The following RHBDL2 variants were observed in gnomAD, a reference collection of about 807,000 sequenced individuals.
RHBDL2 encodes rhomboid-related protein 2.
In RHBDL2, 26 loss-of-function variants were observed where a neutral mutation model predicts 31.7. The ratio of observed to expected loss-of-function variants is 0.82; its 90% confidence interval spans 0.60 to 1.14. The LOEUF (loss-of-function observed/expected upper bound fraction) is 1.14, where lower values mean the gene tolerates loss of function less well. Among genes scored for constraint, RHBDL2 ranks in the 50% most tolerant of loss-of-function variants. RHBDL2 has a pLI of 0.00. For synonymous variants in RHBDL2, 123 were observed against 127.2 expected, an observed-to-expected ratio of 0.97 and a Z score of 0.22; for missense variants, 336 against 364.4, an observed-to-expected ratio of 0.92 and a Z score of 0.63.
intron 1 of RHBDL2, among the ~76,000 whole-genome samples, chr1:38,936,414 T>C (rs1172326137): frequency 2.6e-5 from 4 of 151,998 alleles, no homozygotes; most frequent in African/African-American, 9.7e-5. Flanking sequence ...GTTCAAGCAA[T>C]TCTCCTGCCT....
chr1:38,901,935 T>C (rs1183730663), intron 4 of RHBDL2, among the ~76,000 whole-genome samples: 2 of 151,620 alleles, frequency 1.3e-5, no homozygotes, highest in Non-Finnish European at 2.9e-5. Context: ...GAGATTTCAA[T>C]AATCCTTTCT....
At chr1:38,936,889 C>T (rs570334839) in intron 1 of RHBDL2, among the ~76,000 whole-genome samples, 1 of 152,164 alleles carries the variant, frequency 6.6e-6, no homozygotes, top group East Asian at 1.9e-4. Context: ...CCAACTCGGC[C>T]TCCCAAAGTG....
intron 1 of RHBDL2, among the ~76,000 whole-genome samples, chr1:38,920,136 C>T (rs539544958): frequency 2.1e-4 from 30 of 144,812 alleles, no homozygotes; most frequent in Non-Finnish European, 4.1e-4. Flanking sequence ...AGTATGTGGC[C>T]TTTTGTGGTT....
intron 2 of RHBDL2, among the ~76,000 whole-genome samples, chr1:38,916,679 C>A (rs147448325): frequency 0.012 from 1,756 of 150,326 alleles, 26 homozygotes; most frequent in African/African-American, 0.041. Context: ...GAAACCACAT[C>A]TCTACTAAAA....
At chr1:38,902,201 CTTT>C (rs770169792) in intron 4 of RHBDL2, among the ~76,000 whole-genome samples, 3 of 92,806 alleles carry the variant, frequency 3.2e-5, no homozygotes, top group Non-Finnish European at 4.1e-5. Context: ...TTTTCTTTTT[CTTT>C]TTTTTTTTTT....
chr1:38,920,636 TCG>T (rs1643300687), intron 1 of RHBDL2, among the ~76,000 whole-genome samples: 1 of 147,608 alleles, frequency 6.8e-6, no homozygotes, highest in Non-Finnish European at 1.5e-5. Flanking sequence ...AGACAGAGTC[TCG>T]CTCTGTCGCC....
intron 6 of RHBDL2, among the ~76,000 whole-genome samples, 175 bp from the exon 7 acceptor site, chr1:38,888,199 A>G (rs1234395757): frequency 6.6e-6 from 1 of 152,238 alleles, no homozygotes; most frequent in African/African-American, 2.4e-5. Context: ...AACCCTGTGA[A>G]GTAGGAACTA....
Position 38,919,206 on chromosome 1 carries a change from C to G in RHBDL2, c.7G>C (p.Ala3Pro), listed in dbSNP as rs764868553. The G allele has an allele frequency of 1.9e-6, 3 of 1,614,020 alleles. No individual in the cohort carries two copies. In the African/African-American group the frequency reaches 4.0e-5, roughly 22 times the overall value. ...CTCTCCATCTCCAGATCATGAACAGCAGCCATTGTCCTGGGTCCTCCCTCC... is the reference window on the plus strand; with the variant it reads ...CTCTCCATCTCCAGATCATGAACAGGAGCCATTGTCCTGGGTCCTCCCTCC... MA[A>P]VHDLEMESMN... Residue 3 changes from alanine (A) to proline (P), a missense_variant, in exon 2 of 8, where the codon GCT (alanine) becomes CCT (proline). Ala to Pro is a conservative substitution (Grantham distance 27, BLOSUM62 -1). Transcript: ENST00000372990.
intron 4 of RHBDL2, among the ~76,000 whole-genome samples, chr1:38,910,766 T>G (rs544341406): frequency 2.5e-4 from 37 of 146,612 alleles, no homozygotes; most frequent in Admixed American, 3.4e-4. Context: ...TTTTTTTTTT[T>G]TTTTTTTGTT....
intron 6 of RHBDL2, among the ~76,000 whole-genome samples, chr1:38,892,426 G>A (rs920710559): frequency 2.0e-5 from 3 of 152,024 alleles, no homozygotes; most frequent in Admixed American, 6.6e-5. Flanking sequence ...GGTGCCTAGG[G>A]CTCTATTCTC....
chr1:38,895,977 C>T lies in RHBDL2; in HGVS notation c.601G>A (p.Val201Ile), dbSNP rs964336206. ...YALMGGYFMN[V>I]LVNFQEMIPA... Reference sequence around the variant, plus strand: ...ATCCCCATGGTTCTTACCACCAGAACATTCATAAAATAGCCTCCCATCAGA... The same window carrying T: ...ATCCCCATGGTTCTTACCACCAGAATATTCATAAAATAGCCTCCCATCAGA... The change falls in exon 5 of 8, where the codon GTT (valine) becomes ATT (isoleucine). Residue 201 changes from valine (V) to isoleucine (I), a missense_variant. Transcript: ENST00000372990. 1.4e-5 allele frequency: 22 copies of T among 1,609,060 alleles called. No individual in the cohort carries two copies. The highest frequency in any genetic ancestry group is 1.7e-5 in the Non-Finnish European group (20 of 1,175,728).
intron 2 of RHBDL2, among the ~76,000 whole-genome samples, chr1:38,916,377 A>T (rs1376722190): frequency 1.3e-5 from 2 of 152,248 alleles, no homozygotes; most frequent in Non-Finnish European, 2.9e-5. Flanking sequence ...AGAGTCATGA[A>T]AAACAAAGAC....
Position 38,919,482 on chromosome 1 carries a change from G to A in RHBDL2, c.-125-145C>T. Reference sequence around the variant, plus strand: ...CAGCTCTACCATGTATCAGCTGTAAGTTAACATCAGATAAATCACTTAATT... The same window carrying A: ...CAGCTCTACCATGTATCAGCTGTAAATTAACATCAGATAAATCACTTAATT... On this transcript the variant is annotated intron_variant, in intron 1 of 7. Transcript: ENST00000372990. 11 of 567,280 alleles carry A rather than the reference G, an allele frequency of 1.9e-5. No homozygotes were observed. In the South Asian group the frequency reaches 3.9e-4, roughly 20 times the overall value. 35.1% of individuals were successfully genotyped at this position (567,280 alleles called of 1,614,324 possible).
intron 3 of RHBDL2, among the ~76,000 whole-genome samples, 168 bp from the exon 4 acceptor site, chr1:38,911,602 CTGTGTGTGTGTGTG>C (rs56978792): frequency 0.047 from 6,646 of 142,222 alleles, 205 homozygotes; most frequent in Non-Finnish European, 0.067. Flanking sequence ...TTTCTTTTTT[CTGTGTGTGTGTGTG>C]TGTGTGTGTG....
intron 4 of RHBDL2, among the ~76,000 whole-genome samples, chr1:38,900,148 A>G (rs12089741): frequency 0.02 from 3,092 of 152,320 alleles, 102 homozygotes; most frequent in African/African-American, 0.071. Context: ...GGCCTGGAGC[A>G]GTGGTTCAGG....
At chr1:38,919,610 C>CTT (rs1372817134) in intron 1 of RHBDL2, among the ~76,000 whole-genome samples, 2 of 145,684 alleles carry the variant, frequency 1.4e-5, no homozygotes, top group African/African-American at 5.0e-5. Flanking sequence ...TATATTTTTT[C>CTT]TTTTTTTTTT....
intron 1 of RHBDL2, among the ~76,000 whole-genome samples, chr1:38,919,592 A>G (rs1330523840): frequency 1.3e-5 from 2 of 151,422 alleles, no homozygotes; most frequent in East Asian, 1.9e-4. Context: ...GCCATTTAAT[A>G]TATAATATAT....
At chr1:38,929,667 A>G (rs1261895606) in intron 1 of RHBDL2, 4 of 816,076 alleles carry the variant, frequency 4.9e-6, no homozygotes, top group Non-Finnish European at 5.9e-6. Context: ...GGTGTAGCCA[A>G]TTGCTGCCCA....
At chr1:38,889,559 C>T (rs962986116) in intron 6 of RHBDL2, among the ~76,000 whole-genome samples, 4 of 152,174 alleles carry the variant, frequency 2.6e-5, no homozygotes, top group African/African-American at 7.2e-5. Flanking sequence ...CAAGACTCCA[C>T]TCTCAGCCAC....
Sources: allele counts gnomAD v4.1 joint callset (sites outside exome capture counted in the v4.1 genomes callset), GRCh38; gene constraint gnomAD v4.1.1; transcripts MANE v1.5; gene names NCBI Gene and HGNC (gene_info 2026-07-23, HGNC 2026-07-21).